CSMD2: variants seen among roughly 807,000 people sequenced by gnomAD.
The protein encoded by CSMD2 is CUB and Sushi multiple domains 2.
Under a neutral mutation model 398.5 loss-of-function variants are expected in CSMD2, and 130 were observed. The observed-to-expected ratio is 0.33, with a 90% confidence interval of 0.28 to 0.38. The LOEUF is 0.38. Among genes scored for constraint, CSMD2 ranks in the 10% least tolerant of loss-of-function variants. CSMD2 has a pLI of 1.00. For synonymous variants in CSMD2, 1,828 were observed against 1,908.5 expected (o/e 0.96, Z 1.10); for missense variants, 3,829 against 4,764.9 (o/e 0.80, Z 5.78).
rs778345880 is a variant in CSMD2, at chr1:33,725,377, C to T, written c.2667G>A (p.Ser889=). ...YLLFSTDKSH[S]DIGFQLRYET... ...CATAGCGGAGCTGGAAGCCGATGTC[C>T]GAGTGACTCTTGTCGGTAGAGAAGA... Residue 889 remains serine (S), a synonymous_variant, in exon 17 of 71, where the codon TCG becomes TCA. Transcript: ENST00000373381. 11 of 1,613,868 alleles carry T rather than the reference C, an allele frequency of 6.8e-6. 1 individual carries two copies. Among genetic ancestry groups the T allele is most frequent in the African/African-American group, 4.0e-5 (3 of 74,898 alleles).
At chr1:33,802,003 C>A (rs1349464612) in intron 10 of CSMD2, among the ~76,000 whole-genome samples, 1 of 152,194 alleles carries the variant, frequency 6.6e-6, no homozygotes, top group Non-Finnish European at 1.5e-5. Context: ...CTACCCTAGA[C>A]CCACTGAATC....
chr1:33,997,357 G>A (rs1646760347), intron 3 of CSMD2, among the ~76,000 whole-genome samples: 1 of 152,230 alleles, frequency 6.6e-6, no homozygotes, highest in Non-Finnish European at 1.5e-5. Context: ...CCCTGCGGGT[G>A]CCTGCGTGTC....
chr1:34,024,722 G>A (rs1406680165), intron 3 of CSMD2, among the ~76,000 whole-genome samples: 4 of 152,328 alleles, frequency 2.6e-5, no homozygotes, highest in Admixed American at 2.6e-4. Context: ...CTCCCTGGAG[G>A]AGGGCATTGG....
chr1:33,538,439 T>A (rs1429409502), intron 60 of CSMD2, among the ~76,000 whole-genome samples: 1 of 152,234 alleles, frequency 6.6e-6, no homozygotes, highest in Non-Finnish European at 1.5e-5. Context: ...ACTTCAAGCA[T>A]TGCTTTATGC....
intron 1 of CSMD2, among the ~76,000 whole-genome samples, chr1:34,105,589 G>A (rs1215731601): frequency 5.3e-5 from 8 of 152,102 alleles, no homozygotes; most frequent in Non-Finnish European, 7.4e-5. Context: ...GCCCTCCTTG[G>A]AGCCTCGTGA....
At chr1:33,981,800 T>G (rs563868147) in intron 3 of CSMD2, among the ~76,000 whole-genome samples, 1 of 152,176 alleles carries the variant, frequency 6.6e-6, no homozygotes, top group African/African-American at 2.4e-5. Context: ...ACAATGAGTC[T>G]GGAGCTGAGA....
chr1:33,646,829 G>A lies in CSMD2; in HGVS notation c.4593C>T (p.Asn1531=), dbSNP rs757249043. The change falls in exon 29 of 71, where the codon AAC becomes AAT. Residue 1531 remains asparagine (N), a synonymous_variant. Transcript: ENST00000373381. Reference sequence around the variant, plus strand: ...GGAGGAAGTCATAGCCAGGCTCCAGGTTAAAGCTGGGGAACAAAAACATCC... The same window carrying A: ...GGAGGAAGTCATAGCCAGGCTCCAGATTAAAGCTGGGGAACAAAAACATCC... ...YVIALVFNIF[N]LEPGYDFLHI... is the part of the protein sequence containing the mutation. The A allele has an allele frequency of 1.9e-6, 3 of 1,609,918 alleles. No homozygotes were observed. The highest frequency in any genetic ancestry group is 1.7e-5 in the Admixed American group (1 of 59,418).
chr1:34,056,219 T>A (rs1226509248), intron 2 of CSMD2, among the ~76,000 whole-genome samples: 1 of 151,988 alleles, frequency 6.6e-6, no homozygotes, highest in African/African-American at 2.4e-5. Context: ...TCAAGTGATA[T>A]CTCCTCAGGA....
intron 3 of CSMD2, among the ~76,000 whole-genome samples, chr1:34,032,062 AT>A (rs1398560360): frequency 1.3e-5 from 2 of 152,288 alleles, no homozygotes; most frequent in South Asian, 4.1e-4. Flanking sequence ...CTAACACCAT[AT>A]TTAAACAGAC....
chr1:33,640,695 C>T (rs1339295375), intron 29 of CSMD2, among the ~76,000 whole-genome samples: 4 of 152,058 alleles, frequency 2.6e-5, no homozygotes, highest in South Asian at 2.1e-4. Flanking sequence ...TGGTATTGCA[C>T]GGGATGATGG....
At chr1:33,955,432 AT>A (rs1240537392) in intron 3 of CSMD2, among the ~76,000 whole-genome samples, 1 of 152,106 alleles carries the variant, frequency 6.6e-6, no homozygotes, top group East Asian at 1.9e-4. Flanking sequence ...GGCCCAAAAA[AT>A]AGAACACTCA....
chr1:33,952,588 G>A (rs1298630641), intron 3 of CSMD2, among the ~76,000 whole-genome samples: 1 of 151,796 alleles, frequency 6.6e-6, no homozygotes, highest in Non-Finnish European at 1.5e-5. Context: ...TCCAACCTCA[G>A]CTATTCTGCC....
chr1:33,580,719 G>C, intron 48 of CSMD2, 34 bp downstream of exon 48: 2 of 1,612,528 alleles, frequency 1.2e-6, no homozygotes, highest in East Asian at 2.2e-5. Context: ...GATGAGGAGA[G>C]GGCCTGTGGC....
At chr1:33,854,612 CA>C in intron 5 of CSMD2, among the ~76,000 whole-genome samples, 1 of 152,372 alleles carries the variant, frequency 6.6e-6, no homozygotes, top group African/African-American at 2.4e-5. Flanking sequence ...GGATTCTTCT[CA>C]TGCTGACCTA....
At chr1:33,702,899 C>T (rs567709974) in intron 22 of CSMD2, among the ~76,000 whole-genome samples, 1 of 152,206 alleles carries the variant, frequency 6.6e-6, no homozygotes, top group Admixed American at 6.5e-5. Context: ...TACCTTAACT[C>T]CCTGATAGAT....
chr1:34,135,147 A>G (rs1292175018), intron 1 of CSMD2, among the ~76,000 whole-genome samples: 1 of 151,924 alleles, frequency 6.6e-6, no homozygotes, highest in Non-Finnish European at 1.5e-5. Flanking sequence ...TACTATTGGC[A>G]GTGTTTAAAT....
At chr1:33,600,773 T>A in intron 44 of CSMD2, 92 bp downstream of exon 44, 1 of 1,345,620 alleles carries the variant, frequency 7.4e-7, no homozygotes. Flanking sequence ...TCACTCAAGG[T>A]CACATGATCC....
intron 13 of CSMD2, among the ~76,000 whole-genome samples, chr1:33,748,487 G>C (rs1647704364): frequency 6.6e-6 from 1 of 152,158 alleles, no homozygotes; most frequent in Non-Finnish European, 1.5e-5. Flanking sequence ...AGGTAGATGT[G>C]TAATTACTGT....
At chr1:33,818,282 T>C (rs748193300) in intron 9 of CSMD2, among the ~76,000 whole-genome samples, 19 of 152,204 alleles carry the variant, frequency 1.2e-4, no homozygotes, top group Non-Finnish European at 1.8e-4. Context: ...CAATGAGTCA[T>C]TCATTCCGTC....
Sources: gnomAD v4.1 joint callset for allele counts (sites outside exome capture counted in the v4.1 genomes callset) on GRCh38, gnomAD v4.1.1 for gene constraint, MANE v1.5 for transcripts, NCBI Gene and HGNC (gene_info 2026-07-23, HGNC 2026-07-21) for gene names.